Variants in KIAA1958 observed in about 807,000 individuals in gnomAD.
The protein encoded by KIAA1958 is KIAA1958.
KIAA1958 carries 14 observed loss-of-function variants against 47.2 expected under a neutral mutation model. That is an observed-to-expected ratio of 0.30 (90% confidence interval 0.20 to 0.46). KIAA1958 has a LOEUF of 0.46. Ranked by LOEUF, KIAA1958 falls within the 20% of genes least tolerant of loss-of-function variation. The pLI is 1.00. For missense variants in KIAA1958, 803 were observed against 909.2 expected (o/e 0.88, Z 1.50); for synonymous variants, 354 against 353.3 (o/e 1.00, Z -0.02).
chr9:112,523,678 T>C (rs954672050), intron 1 of KIAA1958, among the ~76,000 whole-genome samples: 5 of 152,182 alleles, frequency 3.3e-5, no homozygotes, highest in Admixed American at 2.6e-4. Context: ...TGGGGAGTTA[T>C]GTTCTCAGAA....
chr9:112,497,325 T>C (rs1834063440), intron 1 of KIAA1958, among the ~76,000 whole-genome samples: 1 of 152,074 alleles, frequency 6.6e-6, no homozygotes, highest in Non-Finnish European at 1.5e-5. Context: ...GGCCCTAATA[T>C]AATCCAGTCT....
intron 1 of KIAA1958, among the ~76,000 whole-genome samples, chr9:112,537,332 C>T (rs1384460108): frequency 6.6e-6 from 1 of 152,164 alleles, no homozygotes; most frequent in Non-Finnish European, 1.5e-5. Flanking sequence ...GTTTTGAACT[C>T]CTGAGCTCAA....
intron 2 of KIAA1958, among the ~76,000 whole-genome samples, chr9:112,611,551 G>A (rs1836326741): frequency 6.6e-6 from 1 of 151,798 alleles, no homozygotes; most frequent in South Asian, 2.1e-4. Flanking sequence ...AATTGGGGTG[G>A]GGAGAAAATC....
intron 1 of KIAA1958, among the ~76,000 whole-genome samples, chr9:112,545,011 T>G (rs1835004244): frequency 6.6e-6 from 1 of 152,172 alleles, no homozygotes; most frequent in African/African-American, 2.4e-5. Flanking sequence ...AAAACTCTGC[T>G]TAGGATTCAG....
intron 2 of KIAA1958, among the ~76,000 whole-genome samples, chr9:112,634,513 G>A (rs1410511385): frequency 1.3e-5 from 2 of 152,132 alleles, no homozygotes; most frequent in African/African-American, 4.8e-5. Flanking sequence ...TTACAGGCGT[G>A]AGCCACCGCG....
intron 1 of KIAA1958, among the ~76,000 whole-genome samples, chr9:112,564,631 T>C (rs960910499): frequency 6.6e-6 from 1 of 152,248 alleles, no homozygotes; most frequent in African/African-American, 2.4e-5. Flanking sequence ...TTGTGACTAG[T>C]GCTGGCTTAA....
intron 1 of KIAA1958, among the ~76,000 whole-genome samples, chr9:112,562,287 C>T (rs1341948277): frequency 2.0e-5 from 3 of 152,240 alleles, no homozygotes; most frequent in African/African-American, 7.2e-5. Context: ...ACTGTGAAGT[C>T]AGTATTCTTA....
intron 3 of KIAA1958, among the ~76,000 whole-genome samples, chr9:112,654,666 G>T (rs796098861): frequency 8.7e-5 from 13 of 149,886 alleles, no homozygotes; most frequent in African/African-American, 3.0e-4. Flanking sequence ...CTGCAAGTAG[G>T]GAGTTGCAAG....
intron 1 of KIAA1958, among the ~76,000 whole-genome samples, chr9:112,528,439 C>G (rs182660036): frequency 2.0e-5 from 3 of 152,312 alleles, no homozygotes; most frequent in East Asian, 3.9e-4. Flanking sequence ...GTACCTCATA[C>G]TTAACCATTT....
At chr9:112,630,740 TACA>T (rs1300052804) in intron 2 of KIAA1958, among the ~76,000 whole-genome samples, 54 of 152,366 alleles carry the variant, frequency 3.5e-4, no homozygotes, top group African/African-American at 1.2e-3. Context: ...CATCTGAAAA[TACA>T]ACATCTCTCA....
At chr9:112,585,687 G>A (rs1037610765) in intron 2 of KIAA1958, among the ~76,000 whole-genome samples, 2 of 152,154 alleles carry the variant, frequency 1.3e-5, no homozygotes, top group African/African-American at 4.8e-5. Flanking sequence ...TGGAGAGGAG[G>A]AGACAGGCAG....
intron 2 of KIAA1958, among the ~76,000 whole-genome samples, chr9:112,584,708 C>A (rs114305174): frequency 1.3e-3 from 196 of 152,294 alleles, no homozygotes; most frequent in African/African-American, 4.5e-3. Flanking sequence ...ATTCGAGGAT[C>A]AACATTGCCT....
intron 2 of KIAA1958, among the ~76,000 whole-genome samples, chr9:112,597,949 G>A (rs1836061550): frequency 6.6e-6 from 1 of 152,050 alleles, no homozygotes; most frequent in Admixed American, 6.6e-5. Flanking sequence ...AAACAGTGGG[G>A]AAAAAAAGGT....
intron 1 of KIAA1958, among the ~76,000 whole-genome samples, chr9:112,498,701 G>A (rs937203516): frequency 6.6e-6 from 1 of 152,082 alleles, no homozygotes; most frequent in Admixed American, 6.6e-5. Flanking sequence ...TGTATACAAC[G>A]TATAATGATC....
At chr9:112,502,192 T>TA (rs1466149684) in intron 1 of KIAA1958, among the ~76,000 whole-genome samples, 1 of 152,236 alleles carries the variant, frequency 6.6e-6, no homozygotes, top group Non-Finnish European at 1.5e-5. Context: ...ATAGTATACT[T>TA]ACAAAAGATG....
chr9:112,527,939 A>G (rs930100897), intron 1 of KIAA1958, among the ~76,000 whole-genome samples: 8 of 147,186 alleles, frequency 5.4e-5, no homozygotes, highest in African/African-American at 2.0e-4. Context: ...CCTTTCTCAA[A>G]AAAAAAAAAA....
At chr9:112,648,476 T>C (rs1188174020) in intron 3 of KIAA1958, among the ~76,000 whole-genome samples, 1 of 152,152 alleles carries the variant, frequency 6.6e-6, no homozygotes, top group African/African-American at 2.4e-5. Context: ...GGAAGCTATC[T>C]GAGGCTGACA....
rs1377428812 is a variant in KIAA1958, at chr9:112,662,093, A to C, written c.*2024A>C. ...GACCTTTTCAAAGGTAGCAATAACTACTCCAGAGGTTGTAATCTTTCTGTT... is the reference window on the plus strand; with the variant it reads ...GACCTTTTCAAAGGTAGCAATAACTCCTCCAGAGGTTGTAATCTTTCTGTT... On this transcript the variant is annotated 3_prime_UTR_variant, in exon 4 of 4. Transcript: ENST00000337530. The C allele has an allele frequency of 6.6e-6, 1 of 152,080 alleles. No homozygotes were observed. Among genetic ancestry groups the C allele is most frequent in the Non-Finnish European group, 1.5e-5 (1 of 68,016 alleles). The allele number at this position is 152,080 out of a possible 1,614,324, so 9.4% of individuals were successfully genotyped here.
chr9:112,647,495 G>A (rs1045934661), intron 3 of KIAA1958, among the ~76,000 whole-genome samples: 6 of 151,770 alleles, frequency 4.0e-5, no homozygotes, highest in Non-Finnish European at 8.8e-5. Flanking sequence ...AGCGCTGAAG[G>A]AAATAAACCA....
Sources: gnomAD v4.1 joint callset for allele counts (sites outside exome capture counted in the v4.1 genomes callset) on GRCh38, gnomAD v4.1.1 for gene constraint, MANE v1.5 for transcripts, NCBI Gene and HGNC (gene_info 2026-07-23, HGNC 2026-07-21) for gene names.